Variants in SLC27A4 observed in about 807,000 individuals in gnomAD.
SLC27A4 encodes solute carrier family 27 member 4.
SLC27A4 carries 33 observed loss-of-function variants against 64.4 expected under a neutral mutation model. The observed-to-expected ratio is 0.51, with a 90% CI of 0.39 to 0.68. SLC27A4 has a LOEUF of 0.68. Among genes scored for constraint, SLC27A4 ranks in the 30% least tolerant of loss-of-function variants. SLC27A4 has a pLI of 0.00. For synonymous variants in SLC27A4, 377 were observed against 370.0 expected (o/e 1.02, Z -0.22); for missense variants, 824 against 883.5 (o/e 0.93, Z 0.85).
rs949966759 is a variant in SLC27A4, at chr9:128,353,757, T to A, written c.1324+216T>A. 2.0e-5 allele frequency among the ~76,000 whole-genome samples: 3 copies of A among 150,218 alleles called. No homozygotes were observed. Among genetic ancestry groups the A allele is most frequent in the Non-Finnish European group, 2.9e-5 (2 of 67,854 alleles). On this transcript the variant is annotated intron_variant, in intron 9 of 12. Transcript: ENST00000300456. This position sits in a 1 kb window ranked among gnomAD's most constrained non-coding sequence, Gnocchi z 4.9. The stretch of plus-strand genomic sequence containing the variant: ...ATTCATTCATTCTTTTTTTTTTTTT[T>A]ATTTGAGACGGAGTCTCGCTCTGTC...
intron 1 of SLC27A4, chr9:128,342,397 A>C (rs779040785): frequency 1.2e-6 from 2 of 1,608,038 alleles, no homozygotes; most frequent in African/African-American, 2.7e-5. Context: ...TGCATTGTAC[A>C]TTCCACAAGT....
At position 128,353,205 on chromosome 9, in the gene SLC27A4, A is replaced by G. The variant is rs779320915; in HGVS notation, c.1168A>G (p.Asn390Asp). ...VAEFYGATEC[N>D]CSLGNFDSQV... ...TGAGTTCTACGGGGCCACAGAGTGC[A>G]ACTGTAGCCTGGGCAACTTCGACAG... The change falls in exon 8 of 13, where the codon AAC becomes GAC. Residue 390 changes from asparagine to aspartate, a missense_variant. Transcript: ENST00000300456. The surrounding 1 kb of genome is among the most constrained non-coding windows in gnomAD (Gnocchi z 4.9). 6.2e-7 allele frequency: 1 copy of G among 1,613,996 alleles called. No homozygotes were observed. The highest frequency in any genetic ancestry group is 1.7e-5 in the Admixed American group (1 of 59,992).
In SLC27A4 at chr9:128,355,745, C is replaced by T; in HGVS notation, c.1723C>T (p.Leu575=). ...TCAGGTCTTGGAGAAGGAACTGCCC[C>T]TGTATGCGCGCCCCATCTTCCTGCG... is the stretch of plus-strand genomic sequence containing the variant. ...FAQVLEKELP[L]YARPIFLRLL... is the part of the protein sequence containing the mutation. The change falls in exon 12 of 13, where the codon CTG becomes TTG. Residue 575 remains leucine, a synonymous_variant. Coordinates refer to ENST00000300456, the MANE Select transcript of SLC27A4 (RefSeq NM_005094.4). 6.2e-7 allele frequency: 1 copy of T among 1,613,864 alleles called. No homozygotes were observed. The highest frequency in any genetic ancestry group is 8.5e-7 in the Non-Finnish European group (1 of 1,180,032).
At chr9:128,346,901 A>C (rs1832665915) in intron 3 of SLC27A4, among the ~76,000 whole-genome samples, 1 of 151,984 alleles carries the variant, frequency 6.6e-6, no homozygotes, top group Non-Finnish European at 1.5e-5. Flanking sequence ...GCTACTCGGG[A>C]GACTGAGGTA....
chr9:128,349,599 G>A (rs752124641), intron 4 of SLC27A4, among the ~76,000 whole-genome samples: 2 of 152,174 alleles, frequency 1.3e-5, no homozygotes, highest in Non-Finnish European at 2.9e-5. Flanking sequence ...CTGGCTGGTT[G>A]CTCTGGTGCC....
In SLC27A4 at chr9:128,360,405, T is replaced by C. The variant is rs1439846996; in HGVS notation, c.1846T>C (p.Phe616Leu). The C allele has an allele frequency of 6.2e-7, 1 of 1,614,148 alleles. No homozygotes were observed. The highest frequency in any genetic ancestry group is 8.5e-7 in the Non-Finnish European group (1 of 1,180,032). ...CCCGGCTATTGTGAAAGACCCGCTG[T>C]TCTATCTAGATGCCCAGAAGGGCCG... ...FDPAIVKDPL[F>L]YLDAQKGRYV... The change falls in exon 13 of 13, where the codon TTC becomes CTC. Residue 616 changes from phenylalanine (F) to leucine (L), a missense_variant. Phe to Leu is a conservative substitution (Grantham distance 22). Coordinates refer to ENST00000300456, the MANE Select transcript of SLC27A4 (RefSeq NM_005094.4).
chr9:128,354,338 C>T (rs536679630), intron 9 of SLC27A4, among the ~76,000 whole-genome samples: 128 of 152,202 alleles, frequency 8.4e-4, no homozygotes, highest in Middle Eastern at 3.4e-3. Context: ...GTGTCATGGG[C>T]GAGTATTCAG....
Position 128,345,465 on chromosome 9 carries a change from A to G in SLC27A4, c.472A>G (p.Thr158Ala). ...CGGTGTGGAGGCAGCCCTCATCAAC[A>G]CCAACCTGCGGCGGGATGCTCTGCT... The part of the protein sequence containing the change: ...KLGVEAALIN[T>A]NLRRDALLHC... The change falls in exon 3 of 13, where the codon ACC becomes GCC. Residue 158 changes from threonine (T) to alanine (A), a missense_variant. Coordinates refer to ENST00000300456, the MANE Select transcript of SLC27A4 (RefSeq NM_005094.4). This position sits in a 1 kb window ranked among gnomAD's most constrained non-coding sequence, Gnocchi z 4.1. The G allele has an allele frequency of 6.2e-7, 1 of 1,613,360 alleles. No individual in the cohort carries two copies. Among genetic ancestry groups the G allele is most frequent in the Non-Finnish European group, 8.5e-7 (1 of 1,179,968 alleles).
At chr9:128,344,595 C>T (rs765705689) in intron 2 of SLC27A4, among the ~76,000 whole-genome samples, 11 of 152,064 alleles carry the variant, frequency 7.2e-5, no homozygotes, top group Non-Finnish European at 1.3e-4. Context: ...TGAACATCTA[C>T]TCTGCCTGGC....
In SLC27A4 at chr9:128,348,704, G is replaced by A; in HGVS notation, c.715+1G>A. 3 of 1,613,874 alleles carry A rather than the reference G, an allele frequency of 1.9e-6. No homozygotes were observed. The highest frequency in any genetic ancestry group is 2.5e-6 in the Non-Finnish European group (3 of 1,180,024). ...AGTTGCCCTGACAAGGGCTTCACAG[G>A]TGGGCTCCATCCCCTCCCCATAGAG... On this transcript the variant is annotated splice_donor_variant, in intron 4 of 12. Coordinates refer to ENST00000300456, the MANE Select transcript of SLC27A4 (RefSeq NM_005094.4). LOFTEE classifies it high-confidence loss of function.
At chr9:128,359,137 TC>T (rs1233630570) in intron 12 of SLC27A4, among the ~76,000 whole-genome samples, 1 of 152,206 alleles carries the variant, frequency 6.6e-6, no homozygotes, top group Non-Finnish European at 1.5e-5. Context: ...CAGGTTCCAA[TC>T]CCAGTTCTAC....
chr9:128,352,940 A>T, intron 7 of SLC27A4, 85 bp from the exon 8 acceptor site: 2 of 1,247,230 alleles, frequency 1.6e-6, no homozygotes, highest in Non-Finnish European at 2.3e-6. Context: ...GCCCCTGGGG[A>T]GAGTAGGGGC....
chr9:128,348,737 C>T, intron 4 of SLC27A4, 34 bp downstream of exon 4: 1 of 1,606,284 alleles, frequency 6.2e-7, no homozygotes, highest in Non-Finnish European at 8.5e-7. Flanking sequence ...GAGGGGCTCT[C>T]ACACAGGCCC....
intron 12 of SLC27A4, 24 bp downstream of exon 12, chr9:128,355,820 T>G: frequency 6.2e-7 from 1 of 1,611,662 alleles, no homozygotes; most frequent in Non-Finnish European, 8.5e-7. Context: ...CTGCTCCAGC[T>G]CTCGGATCCC....
In SLC27A4 at chr9:128,357,809, T is replaced by C. The variant is rs994414041; in HGVS notation, c.1774+2013T>C. On this transcript the variant is annotated intron_variant, in intron 12 of 12. Coordinates refer to ENST00000300456, the MANE Select transcript of SLC27A4 (RefSeq NM_005094.4). ...GGCCACCTCCCACGTTGTCGTCATA[T>C]CAGTCCTGCCTTGATGGTGGGCACT... Among the ~76,000 whole-genome samples the C allele has an allele frequency of 6.6e-5, 10 of 152,190 alleles. No homozygotes were observed. In the South Asian group the frequency reaches 8.3e-4, roughly 13 times the overall value.
chr9:128,343,635 G>A (rs371556855), intron 2 of SLC27A4, among the ~76,000 whole-genome samples: 20 of 152,290 alleles, frequency 1.3e-4, no homozygotes, highest in African/African-American at 4.6e-4. Flanking sequence ...GGAATTTTGG[G>A]GAAAGGCCCT....
chr9:128,349,750 A>G (rs1832706858), intron 4 of SLC27A4, among the ~76,000 whole-genome samples: 1 of 152,324 alleles, frequency 6.6e-6, no homozygotes, highest in Middle Eastern at 3.4e-3. Flanking sequence ...AGCCTCACAT[A>G]GAAACTCTAA....
intron 1 of SLC27A4, chr9:128,342,605 G>C: frequency 2.1e-6 from 1 of 482,238 alleles, no homozygotes; most frequent in East Asian, 4.9e-5. Context: ...GAAGTGGGGT[G>C]GGACGACAGT....
chr9:128,345,629 A>C lies in SLC27A4; in HGVS notation c.556+80A>C. 3 of 1,465,578 alleles carry C rather than the reference A, an allele frequency of 2.0e-6. No homozygotes were observed. The highest frequency in any genetic ancestry group is 2.7e-6 in the Non-Finnish European group (3 of 1,102,886). 90.8% of individuals were successfully genotyped at this position (1,465,578 alleles called of 1,614,324 possible). A position where few individuals can be genotyped will look rare whatever the true frequency, so the allele number is the denominator to read the frequency against. On this transcript the variant is annotated intron_variant, in intron 3 of 12. Transcript: ENST00000300456. This position sits in a 1 kb window ranked among gnomAD's most constrained non-coding sequence, Gnocchi z 4.1. Reference sequence around the variant, plus strand: ...CCACAGCTCCCTTCCAGCCCTGCCAAGGCTGTGTGGGTCAGTGGTTAAGGG... The same window carrying C: ...CCACAGCTCCCTTCCAGCCCTGCCACGGCTGTGTGGGTCAGTGGTTAAGGG...
Sources: allele counts gnomAD v4.1 joint callset (sites outside exome capture counted in the v4.1 genomes callset), GRCh38; gene constraint gnomAD v4.1.1; non-coding constraint Gnocchi (gnomAD v3.1); transcripts MANE v1.5; gene names NCBI Gene and HGNC (gene_info 2026-07-23, HGNC 2026-07-21).